Variants in ARHGAP20 observed in about 807,000 individuals in gnomAD.
ARHGAP20 encodes the protein rho GTPase-activating protein 20.
Under a neutral mutation model 73.7 loss-of-function variants are expected in ARHGAP20, and 34 were observed. The ratio of observed to expected loss-of-function variants is 0.46; its 90% CI spans 0.35 to 0.61. The LOEUF is 0.61. ARHGAP20 is among the 20% of genes least tolerant of loss of function. The probability of loss-of-function intolerance (pLI) is 0.00; values close to 1 mark genes in which losing one functional copy is unlikely to be tolerated. For synonymous variants in ARHGAP20, 523 were observed against 518.2 expected (o/e 1.01, Z -0.13); for missense variants, 1,314 against 1,420.9 (o/e 0.92, Z 1.21).
chr11:110,681,456 A>C (rs2135094407), intron 2 of ARHGAP20, among the ~76,000 whole-genome samples: 2 of 152,278 alleles, frequency 1.3e-5, no homozygotes, highest in South Asian at 4.2e-4. Context: ...CGTTGAGTTC[A>C]TTCCCATTAC....
At chr11:110,711,671 G>A (rs1389752766) in intron 1 of ARHGAP20, 5 of 1,463,848 alleles carry the variant, frequency 3.4e-6, no homozygotes, top group African/African-American at 1.5e-5. Flanking sequence ...CTTCAGCGCC[G>A]GCTGCCGCTC....
chr11:110,592,047 A>T lies in ARHGAP20; in HGVS notation c.1073T>A (p.Met358Lys), dbSNP rs755089033. ...DNLPSSPTSP[M>K]PGQLFGISLP... Reference sequence around the variant, plus strand: ...AGAAATTCCAAAGAGCTGTCCTGGCATAGGTGATGTTGGCGATGAGGGCAA... The same window carrying T: ...AGAAATTCCAAAGAGCTGTCCTGGCTTAGGTGATGTTGGCGATGAGGGCAA... The change falls in exon 10 of 15, where the codon ATG (methionine) becomes AAG (lysine). Residue 358 changes from methionine (M) to lysine (K), a missense_variant. Met to Lys is a moderately conservative substitution (Grantham distance 95). This residue lies in a region of ARHGAP20 where 443 missense variants were observed against 466.4 expected (regional missense o/e 0.95). Transcript: ENST00000683387. The T allele has an allele frequency of 2.1e-5, 34 of 1,614,044 alleles. No individual in the cohort carries two copies. Among genetic ancestry groups the T allele is most frequent in the Non-Finnish European group, 1.9e-5 (22 of 1,180,002 alleles).
chr11:110,634,965 T>C (rs1324919632), intron 2 of ARHGAP20, among the ~76,000 whole-genome samples: 1 of 152,030 alleles, frequency 6.6e-6, no homozygotes, highest in East Asian at 1.9e-4. Flanking sequence ...ATTAGTCTAA[T>C]TAAATGAGGA....
At chr11:110,638,898 T>C (rs1356438225) in intron 2 of ARHGAP20, among the ~76,000 whole-genome samples, 1 of 151,872 alleles carries the variant, frequency 6.6e-6, no homozygotes, top group Non-Finnish European at 1.5e-5. Context: ...ATACCTAATG[T>C]TAAATGACAA....
At chr11:110,711,169 C>A (rs1225356129) in intron 1 of ARHGAP20, among the ~76,000 whole-genome samples, 1 of 152,158 alleles carries the variant, frequency 6.6e-6, no homozygotes, top group East Asian at 1.9e-4. Context: ...CTCAGGGAAC[C>A]GTTCCAGCGA....
At position 110,698,351 on chromosome 11, in the gene ARHGAP20, C is replaced by T. The variant is rs565395253; in HGVS notation, c.106-7722G>A. ...ATTTTGTGGAGGATTTCTGCATCTA[C>T]GTTCATCAGAGATATTAGCCTATAG... is the stretch of plus-strand genomic sequence containing the variant. On this transcript the variant is annotated intron_variant, in intron 1 of 14. Transcript: ENST00000683387. 1.8e-4 allele frequency among the ~76,000 whole-genome samples: 28 copies of T among 151,786 alleles called. No individual in the cohort carries two copies. The South Asian group carries it at 2.5e-3, about 13-fold the overall frequency.
rs572056854 is a variant in ARHGAP20 at position 110,590,875 on chromosome 11, C to T, written c.1144-66G>A. Reference sequence around the variant, plus strand: ...ACACACACAAGGGAATGTACACTTGCCCTCTTTGGATGCCAGAGGCTAGGG... The same window carrying T: ...ACACACACAAGGGAATGTACACTTGTCCTCTTTGGATGCCAGAGGCTAGGG... On this transcript the variant is annotated intron_variant, in intron 10 of 14. Transcript: ENST00000683387. The T allele has an allele frequency of 7.4e-6, 11 of 1,489,114 alleles. No individual in the cohort carries two copies. In the Admixed American group the frequency reaches 1.5e-4, roughly 20 times the overall value. The allele number at this position is 1,489,114 out of a possible 1,614,324, so 92.2% of individuals were successfully genotyped here.
intron 11 of ARHGAP20, chr11:110,589,312 C>T: frequency 2.5e-6 from 2 of 801,190 alleles, no homozygotes; most frequent in Non-Finnish European, 3.0e-6. Context: ...AGTTCTCTTG[C>T]ATGATATCTA....
intron 2 of ARHGAP20, among the ~76,000 whole-genome samples, chr11:110,643,202 T>C (rs1949112253): frequency 6.6e-6 from 1 of 152,098 alleles, no homozygotes; most frequent in African/African-American, 2.4e-5. Flanking sequence ...CTCAATCTTG[T>C]TTATTCTTTC....
At chr11:110,625,421 T>C (rs1948723283) in intron 3 of ARHGAP20, among the ~76,000 whole-genome samples, 2 of 152,238 alleles carry the variant, frequency 1.3e-5, no homozygotes, top group African/African-American at 4.8e-5. Flanking sequence ...GAATTTATAA[T>C]ATATTTTCAA....
At chr11:110,701,404 A>G (rs1591191618) in intron 1 of ARHGAP20, among the ~76,000 whole-genome samples, 1 of 152,136 alleles carries the variant, frequency 6.6e-6, no homozygotes, top group Non-Finnish European at 1.5e-5. Flanking sequence ...GTGTCTGTTC[A>G]TGTCCTTTGC....
At chr11:110,680,174 T>A (rs1424971208) in intron 2 of ARHGAP20, among the ~76,000 whole-genome samples, 1 of 152,168 alleles carries the variant, frequency 6.6e-6, no homozygotes, top group Non-Finnish European at 1.5e-5. Flanking sequence ...TAATCCCCTA[T>A]GAAGTCATCC....
intron 9 of ARHGAP20, among the ~76,000 whole-genome samples, chr11:110,599,110 C>A (rs1400974342): frequency 6.6e-6 from 1 of 152,232 alleles, no homozygotes; most frequent in African/African-American, 2.4e-5. Context: ...AGACCCAGGC[C>A]TCTTGCTCCA....
intron 1 of ARHGAP20, chr11:110,711,778 AG>A: frequency 1.5e-6 from 2 of 1,353,614 alleles, no homozygotes; most frequent in Middle Eastern, 5.4e-4. Context: ...GGGCACGGCG[AG>A]GGGTCGGGGA....
At chr11:110,668,544 G>A (rs561039547) in intron 2 of ARHGAP20, among the ~76,000 whole-genome samples, 1 of 152,180 alleles carries the variant, frequency 6.6e-6, no homozygotes, top group Non-Finnish European at 1.5e-5. Context: ...AGCTACTCAG[G>A]AGGCTGAGGT....
At chr11:110,583,413 C>G (rs1947527786) in intron 13 of ARHGAP20, 135 bp downstream of exon 13, 1 of 769,788 alleles carries the variant, frequency 1.3e-6, no homozygotes, top group South Asian at 2.5e-5. Flanking sequence ...TTCCTATAGT[C>G]TACCAGTAAA....
chr11:110,686,388 C>G (rs1950132224), intron 2 of ARHGAP20, among the ~76,000 whole-genome samples: 1 of 152,026 alleles, frequency 6.6e-6, no homozygotes, highest in Admixed American at 6.6e-5. Context: ...TGAATCACTT[C>G]TGAACAGGCA....
At chr11:110,608,744 T>C (rs1390064519) in intron 8 of ARHGAP20, among the ~76,000 whole-genome samples, 1 of 152,152 alleles carries the variant, frequency 6.6e-6, no homozygotes, top group Non-Finnish European at 1.5e-5. Flanking sequence ...GTTTGTCAAA[T>C]GAAAAAGCAG....
At chr11:110,661,614 A>G (rs1231221616) in intron 2 of ARHGAP20, among the ~76,000 whole-genome samples, 1 of 152,102 alleles carries the variant, frequency 6.6e-6, no homozygotes, top group Non-Finnish European at 1.5e-5. Flanking sequence ...TTATTTTTAT[A>G]TCATGAATTT....
Sources: allele counts gnomAD v4.1 joint callset (sites outside exome capture counted in the v4.1 genomes callset), GRCh38; gene constraint gnomAD v4.1.1; regional missense constraint gnomAD v4.1.1; transcripts MANE v1.5; gene names NCBI Gene and HGNC (gene_info 2026-07-23, HGNC 2026-07-21).